Variants in CNTN5 observed in about 807,000 individuals in gnomAD.
CNTN5 encodes the protein contactin-5.
In CNTN5, 77 loss-of-function variants were observed where a neutral mutation model predicts 129.1. That is an observed-to-expected ratio of 0.60 (90% CI 0.50 to 0.72). CNTN5 has a LOEUF of 0.72. Ranked by LOEUF, CNTN5 falls within the 30% of genes least tolerant of loss-of-function variation. The pLI is 0.00. For missense variants in CNTN5, 1,478 were observed against 1,328.8 expected, an observed-to-expected ratio of 1.11 and a Z score of -1.75; for synonymous variants, 509 against 465.6, an observed-to-expected ratio of 1.09 and a Z score of -1.20.
intron 3 of CNTN5, among the ~76,000 whole-genome samples, chr11:99,566,313 A>G (rs1014884323): frequency 7.2e-5 from 11 of 152,146 alleles, no homozygotes; most frequent in Non-Finnish European, 1.6e-4. Context: ...AGCTTCCTAA[A>G]GCCCTCACCA....
intron 8 of CNTN5, among the ~76,000 whole-genome samples, chr11:99,985,082 A>C (rs557876592): frequency 6.6e-6 from 1 of 152,088 alleles, no homozygotes; most frequent in African/African-American, 2.4e-5. Flanking sequence ...TCCACTACCC[A>C]TAGAGTGCAG....
chr11:100,317,907 T>C (rs1565424649), intron 21 of CNTN5, among the ~76,000 whole-genome samples: 1 of 152,088 alleles, frequency 6.6e-6, no homozygotes, highest in African/African-American at 2.4e-5. Context: ...GAAACACAAA[T>C]GGAACCAAAA....
At chr11:99,310,393 A>G (rs1865058167) in intron 1 of CNTN5, among the ~76,000 whole-genome samples, 1 of 152,050 alleles carries the variant, frequency 6.6e-6, no homozygotes, top group South Asian at 2.1e-4. Context: ...AATCTTGAAA[A>G]ACTTGATGCG....
In CNTN5 at chr11:100,297,684, A is replaced by G. The variant is rs1404875447; in HGVS notation, c.2374A>G (p.Ile792Val). Residue 792 changes from isoleucine to valine, a missense_variant, in exon 19 of 25, where the codon ATT becomes GTT. By Grantham distance (29) the Ile-to-Val change is conservative. Coordinates refer to ENST00000524871, the MANE Select transcript of CNTN5 (RefSeq NM_014361.4). ...AAGTGGAAGAAGGCATGAGTTAGTC[A>G]TTGCCTGGGAGGTAAGAAAAACACA... ...GRSGRRHELV[I>V]AWEPVSEEFQ... The G allele has an allele frequency of 6.2e-7, 1 of 1,600,948 alleles. No individual in the cohort carries two copies. The highest frequency in any genetic ancestry group is 8.5e-7 in the Non-Finnish European group (1 of 1,172,276).
intron 6 of CNTN5, among the ~76,000 whole-genome samples, chr11:99,898,768 G>T (rs1255165669): frequency 6.6e-6 from 1 of 151,208 alleles, no homozygotes; most frequent in Non-Finnish European, 1.5e-5. Flanking sequence ...TTATTCTAAT[G>T]ATTCTCTGAG....
chr11:99,037,605 G>T, intron 1 of CNTN5, among the ~76,000 whole-genome samples: 1 of 123,158 alleles, frequency 8.1e-6, no homozygotes. Flanking sequence ...TTTTAACATG[G>T]AGTCTCGCTC....
chr11:99,171,950 T>C (rs1861169248), intron 1 of CNTN5, among the ~76,000 whole-genome samples: 1 of 152,184 alleles, frequency 6.6e-6, no homozygotes, highest in Admixed American at 6.5e-5. Flanking sequence ...GGACTCAAAT[T>C]GATGTTCATG....
intron 1 of CNTN5, among the ~76,000 whole-genome samples, chr11:99,206,673 T>C (rs962139604): frequency 1.3e-5 from 2 of 152,170 alleles, no homozygotes; most frequent in African/African-American, 2.4e-5. Flanking sequence ...TCCAGAGCTT[T>C]GGACTTGTAT....
At chr11:99,190,821 T>C (rs1591335463) in intron 1 of CNTN5, among the ~76,000 whole-genome samples, 1 of 151,534 alleles carries the variant, frequency 6.6e-6, no homozygotes, top group Non-Finnish European at 1.5e-5. Context: ...TATTATATCA[T>C]GTAATCTGTA....
intron 1 of CNTN5, among the ~76,000 whole-genome samples, chr11:99,281,260 G>A (rs1591464398): frequency 6.6e-6 from 1 of 151,818 alleles, no homozygotes; most frequent in East Asian, 1.9e-4. Flanking sequence ...AAAGATAAAA[G>A]GAATTTTCAG....
chr11:99,279,272 G>A (rs1863587902), intron 1 of CNTN5, among the ~76,000 whole-genome samples: 1 of 151,746 alleles, frequency 6.6e-6, no homozygotes, highest in African/African-American at 2.4e-5. Context: ...ATACATATGT[G>A]TCTCAACTAG....
intron 23 of CNTN5, among the ~76,000 whole-genome samples, chr11:100,348,434 A>AT (rs761532911): frequency 1.5e-4 from 23 of 152,056 alleles, no homozygotes; most frequent in Non-Finnish European, 2.6e-4. Flanking sequence ...CCACTAACTG[A>AT]TTTTTTCCCC....
intron 3 of CNTN5, among the ~76,000 whole-genome samples, chr11:99,562,840 G>A (rs181840766): frequency 1.3e-5 from 2 of 152,216 alleles, no homozygotes; most frequent in African/African-American, 4.8e-5. Context: ...GAAATACTGA[G>A]CTCAACAATG....
At chr11:99,369,752 A>C (rs1414427412) in intron 2 of CNTN5, among the ~76,000 whole-genome samples, 1 of 152,162 alleles carries the variant, frequency 6.6e-6, no homozygotes, top group African/African-American at 2.4e-5. Flanking sequence ...TATTTTATTC[A>C]GCAAATATTT....
intron 2 of CNTN5, among the ~76,000 whole-genome samples, chr11:99,503,490 A>G (rs1946501161): frequency 6.6e-6 from 1 of 152,214 alleles, no homozygotes; most frequent in Non-Finnish European, 1.5e-5. Flanking sequence ...CTCAGTTCAG[A>G]CATAATCACT....
At chr11:100,091,105 T>C (rs1486236102) in intron 13 of CNTN5, among the ~76,000 whole-genome samples, 1 of 152,080 alleles carries the variant, frequency 6.6e-6, no homozygotes, top group African/African-American at 2.4e-5. Context: ...CTTTGTCCCA[T>C]TCCCGCATTT....
chr11:100,031,031 C>T (rs1025414487), intron 9 of CNTN5, among the ~76,000 whole-genome samples: 2 of 152,180 alleles, frequency 1.3e-5, no homozygotes, highest in Non-Finnish European at 2.9e-5. Context: ...CATTGCTCCC[C>T]TACACTTTCC....
At chr11:100,186,551 T>C (rs10501953) in intron 13 of CNTN5, among the ~76,000 whole-genome samples, 4,616 of 152,118 alleles carry the variant, frequency 0.03, 226 homozygotes, top group African/African-American at 0.1. Flanking sequence ...AGTAACTAGG[T>C]GCAAGGTGAG....
At chr11:99,623,414 AG>A (rs1229940208) in intron 3 of CNTN5, among the ~76,000 whole-genome samples, 1 of 152,112 alleles carries the variant, frequency 6.6e-6, no homozygotes, top group Non-Finnish European at 1.5e-5. Flanking sequence ...CTTCATCCCC[AG>A]TAGGATGGCA....
Sources: gnomAD v4.1 joint callset for allele counts (sites outside exome capture counted in the v4.1 genomes callset) on GRCh38, gnomAD v4.1.1 for gene constraint, MANE v1.5 for transcripts, NCBI Gene and HGNC (gene_info 2026-07-23, HGNC 2026-07-21) for gene names.